The following ULK4 variants were observed in gnomAD, a reference collection of about 807,000 sequenced individuals.
ULK4 encodes inactive serine/threonine-protein kinase ULK4.
Under a neutral mutation model 160.6 loss-of-function variants are expected in ULK4, and 133 were observed. That is an observed-to-expected ratio of 0.83 (90% CI 0.72 to 0.96). ULK4 has a LOEUF of 0.96. Ranked by LOEUF, ULK4 falls within the 40% of genes least tolerant of loss-of-function variation. The probability of loss-of-function intolerance (pLI) is 0.00; values close to 1 mark genes in which losing one functional copy is unlikely to be tolerated. For synonymous variants in ULK4, 534 were observed against 539.8 expected, an observed-to-expected ratio of 0.99 and a Z score of 0.15; for missense variants, 1,580 against 1,499.5, an observed-to-expected ratio of 1.05 and a Z score of -0.89.
intron 30 of ULK4, among the ~76,000 whole-genome samples, chr3:41,626,452 T>C (rs138896974): frequency 1.5e-3 from 223 of 152,124 alleles, no homozygotes; most frequent in African/African-American, 4.9e-3. Context: ...TGTCACGAAA[T>C]GTGCTGTGAT....
At chr3:41,521,982 T>G (rs1330310308) in intron 32 of ULK4, among the ~76,000 whole-genome samples, 1 of 152,200 alleles carries the variant, frequency 6.6e-6, no homozygotes, top group East Asian at 1.9e-4. Flanking sequence ...TTTCCGTAGC[T>G]CTTTGTGGTT....
At chr3:41,658,996 T>C (rs143056638) in intron 30 of ULK4, among the ~76,000 whole-genome samples, 30 of 152,352 alleles carry the variant, frequency 2.0e-4, no homozygotes, top group African/African-American at 7.0e-4. Flanking sequence ...TTTATTTTGA[T>C]TGTGATAGTA....
intron 22 of ULK4, among the ~76,000 whole-genome samples, chr3:41,748,654 T>C (rs1362723959): frequency 2.6e-5 from 4 of 152,188 alleles, no homozygotes; most frequent in African/African-American, 4.8e-5. Flanking sequence ...CTCCTGCCCC[T>C]GCACCTTCCT....
chr3:41,942,634 A>G (rs1435492455), intron 2 of ULK4, among the ~76,000 whole-genome samples: 3 of 152,004 alleles, frequency 2.0e-5, no homozygotes, highest in Non-Finnish European at 4.4e-5. Context: ...CCTGACCAAC[A>G]TGGAGAAACC....
At chr3:41,844,650 G>A (rs182005996) in intron 17 of ULK4, among the ~76,000 whole-genome samples, 1,732 of 152,304 alleles carry the variant, frequency 0.011, 16 homozygotes, top group Non-Finnish European at 0.015. Flanking sequence ...CTCAAGTGCC[G>A]CCAAAGTGGG....
Position 41,931,830 on chromosome 3 carries a change from C to G in ULK4, c.541+14G>C, listed in dbSNP as rs970536123. On this transcript the variant is annotated intron_variant, in intron 5 of 36. Transcript: ENST00000301831. Reference sequence around the variant, plus strand: ...ACTAGAGTTATGATCTTTAAGCTTTCCAGGTCCACATACCTTTGACTCTAC... The same window carrying G: ...ACTAGAGTTATGATCTTTAAGCTTTGCAGGTCCACATACCTTTGACTCTAC... The G allele has an allele frequency of 1.2e-6, 2 of 1,613,742 alleles. No individual in the cohort carries two copies. The highest frequency in any genetic ancestry group is 1.3e-5 in the African/African-American group (1 of 75,044).
At chr3:41,794,831 TA>T (rs934809028) in intron 20 of ULK4, among the ~76,000 whole-genome samples, 3 of 151,788 alleles carry the variant, frequency 2.0e-5, no homozygotes, top group Non-Finnish European at 2.9e-5. Flanking sequence ...ATTGGCCATG[TA>T]AAAAACCAGC....
At chr3:41,459,841 C>A (rs543260634) in intron 33 of ULK4, among the ~76,000 whole-genome samples, 6 of 152,218 alleles carry the variant, frequency 3.9e-5, no homozygotes, top group African/African-American at 1.4e-4. Flanking sequence ...GGCAGATGAG[C>A]TGGAAAGGTA....
intron 34 of ULK4, among the ~76,000 whole-genome samples, chr3:41,455,220 T>C (rs1277129958): frequency 6.6e-6 from 1 of 152,140 alleles, no homozygotes. Context: ...TCTTTCCTCT[T>C]AGAATTCATT....
chr3:41,452,757 G>C (rs1013191837), intron 34 of ULK4, among the ~76,000 whole-genome samples: 1 of 152,010 alleles, frequency 6.6e-6, no homozygotes, highest in Non-Finnish European at 1.5e-5. Context: ...CCTCCATTCA[G>C]AACATCTTAA....
chr3:41,481,958 A>AT lies in ULK4; in HGVS notation c.3227-18706dup, dbSNP rs561518083. Among the ~76,000 whole-genome samples, 202 of 151,862 alleles carry AT rather than the reference A, an allele frequency of 1.3e-3. 2 individuals carry two copies. The highest frequency in any genetic ancestry group is 4.2e-3 in the African/African-American group (174 of 41,456). On this transcript the variant is annotated intron_variant, in intron 32 of 36. Coordinates refer to ENST00000301831, the MANE Select transcript of ULK4 (RefSeq NM_017886.4). ...TTGTAGTAGAGCACATGACCCTATG[A>AT]TTTTTTTTGTTGTTGTTGTGCTATA... is the stretch of plus-strand genomic sequence containing the variant.
intron 34 of ULK4, among the ~76,000 whole-genome samples, chr3:41,418,213 C>T (rs2082574012): frequency 6.6e-6 from 1 of 152,016 alleles, no homozygotes; most frequent in South Asian, 2.1e-4. Context: ...TTTTGACTTC[C>T]CCAAACTTAA....
intron 34 of ULK4, among the ~76,000 whole-genome samples, chr3:41,410,648 G>T (rs993712392): frequency 1.2e-4 from 18 of 152,054 alleles, no homozygotes; most frequent in African/African-American, 4.3e-4. Flanking sequence ...TAATTTTATG[G>T]TATGTGAATT....
chr3:41,395,602 T>C (rs2082042899), intron 35 of ULK4, among the ~76,000 whole-genome samples: 1 of 151,974 alleles, frequency 6.6e-6, no homozygotes, highest in Admixed American at 6.6e-5. Context: ...AGTCGAATGG[T>C]GGTTATCAGG....
chr3:41,657,818 TAAA>T (rs60281588), intron 30 of ULK4, among the ~76,000 whole-genome samples: 9 of 99,714 alleles, frequency 9.0e-5, no homozygotes, highest in Admixed American at 1.0e-4. Context: ...TCCATCTCAT[TAAA>T]AAAAAAAAAA....
At chr3:41,503,578 C>A (rs1421540130) in intron 32 of ULK4, among the ~76,000 whole-genome samples, 1 of 152,200 alleles carries the variant, frequency 6.6e-6, no homozygotes, top group African/African-American at 2.4e-5. Flanking sequence ...TCTGCAGATG[C>A]CAGCTGTCAG....
At chr3:41,659,964 A>G (rs150401490) in intron 30 of ULK4, among the ~76,000 whole-genome samples, 7 of 152,302 alleles carry the variant, frequency 4.6e-5, no homozygotes, top group African/African-American at 1.7e-4. Context: ...AAAGGGCAGA[A>G]AAACATATGT....
intron 35 of ULK4, among the ~76,000 whole-genome samples, chr3:41,320,894 G>C (rs2080232663): frequency 6.6e-6 from 1 of 152,182 alleles, no homozygotes; most frequent in Non-Finnish European, 1.5e-5. Flanking sequence ...TCCAGCCTGG[G>C]TGACAGAGTG....
intron 35 of ULK4, among the ~76,000 whole-genome samples, chr3:41,378,571 G>A (rs892620181): frequency 6.6e-6 from 1 of 151,296 alleles, no homozygotes; most frequent in East Asian, 2.0e-4. Context: ...TCATAGGTGG[G>A]AACTGAACAA....
Sources: allele counts gnomAD v4.1 joint callset (sites outside exome capture counted in the v4.1 genomes callset), GRCh38; gene constraint gnomAD v4.1.1; transcripts MANE v1.5; gene names NCBI Gene and HGNC (gene_info 2026-07-23, HGNC 2026-07-21).